KIAA1958: variants seen among roughly 807,000 people sequenced by gnomAD.
KIAA1958 encodes the protein uncharacterized protein KIAA1958.
In KIAA1958, 14 loss-of-function variants were observed where a neutral mutation model predicts 47.2. That is an observed-to-expected ratio of 0.30 (90% CI 0.20 to 0.46). The LOEUF is 0.46. KIAA1958 is among the 20% of genes least tolerant of loss of function. The pLI is 1.00. For missense variants in KIAA1958, 803 were observed against 909.2 expected (o/e 0.88, Z 1.50); for synonymous variants, 354 against 353.3 (o/e 1.00, Z -0.02).
intron 1 of KIAA1958, among the ~76,000 whole-genome samples, chr9:112,553,125 T>TCCTCC (rs1237083381): frequency 1.5e-5 from 2 of 137,030 alleles, no homozygotes; most frequent in Non-Finnish European, 1.6e-5. Context: ...TCCTCTCCTC[T>TCCTCC]CCTCCCCTCC....
chr9:112,644,039 G>T (rs867350240), intron 2 of KIAA1958, among the ~76,000 whole-genome samples: 1 of 151,922 alleles, frequency 6.6e-6, no homozygotes, highest in East Asian at 1.9e-4. Context: ...TTAGCCGGGC[G>T]TAGTGGTGGT....
At chr9:112,530,963 A>T (rs1370189082) in intron 1 of KIAA1958, among the ~76,000 whole-genome samples, 1 of 152,222 alleles carries the variant, frequency 6.6e-6, no homozygotes, top group Non-Finnish European at 1.5e-5. Context: ...TAATTCCATT[A>T]TATATTTTAT....
chr9:112,607,188 C>G (rs1397668072), intron 2 of KIAA1958, among the ~76,000 whole-genome samples: 1 of 152,018 alleles, frequency 6.6e-6, no homozygotes, highest in East Asian at 1.9e-4. Context: ...GAAACCCCAT[C>G]TCTACTAAAA....
Position 112,555,638 on chromosome 9 carries a change from C to T in KIAA1958, c.-24-18419C>T, listed in dbSNP as rs1057353986. Among the ~76,000 whole-genome samples the T allele has an allele frequency of 2.6e-5, 4 of 152,284 alleles. No individual in the cohort carries two copies. The East Asian group carries it at 7.7e-4, about 29-fold the overall frequency. On this transcript the variant is annotated intron_variant, in intron 1 of 3. Coordinates refer to ENST00000337530, the MANE Select transcript of KIAA1958 (RefSeq NM_133465.4). ...TCTCACAGTATGCTCACAGTATGCT[C>T]GCATGGCAGAAGGGGCAGAAAAGGG...
chr9:112,622,478 T>A lies in KIAA1958; in HGVS notation c.1172-23172T>A, dbSNP rs144551707. 1.2e-3 allele frequency among the ~76,000 whole-genome samples: 181 copies of A among 152,328 alleles called. 3 individuals are homozygous for A. The highest frequency in any genetic ancestry group is 4.1e-3 in the African/African-American group (170 of 41,570). The stretch of plus-strand genomic sequence containing the variant: ...TCTTGAAAACCATAGATGCTAGCTA[T>A]TTTTAAAAAAACTATAATGTTTGAA... On this transcript the variant is annotated intron_variant, in intron 2 of 3. Coordinates refer to ENST00000337530, the MANE Select transcript of KIAA1958 (RefSeq NM_133465.4).
chr9:112,653,642 T>C (rs182981862), intron 3 of KIAA1958, among the ~76,000 whole-genome samples: 16 of 152,302 alleles, frequency 1.1e-4, no homozygotes, highest in Non-Finnish European at 5.9e-5. Context: ...CGGTCACACC[T>C]GTAATTCCAA....
intron 1 of KIAA1958, among the ~76,000 whole-genome samples, chr9:112,554,669 A>G (rs1022289161): frequency 5.3e-5 from 8 of 151,976 alleles, no homozygotes; most frequent in East Asian, 1.9e-4. Flanking sequence ...CCCAAACCCA[A>G]CCTCTTGGTC....
At position 112,526,250 on chromosome 9, in the gene KIAA1958, C is replaced by T. The variant is rs530556172; in HGVS notation, c.-25+39132C>T. On this transcript the variant is annotated intron_variant, in intron 1 of 3. Transcript: ENST00000337530. Reference sequence around the variant, plus strand: ...GCTGCTATAACAGAATACCTTGAAACTGGGTAATTTTTTTTTTTCTTGAGA... The same window carrying T: ...GCTGCTATAACAGAATACCTTGAAATTGGGTAATTTTTTTTTTTCTTGAGA... Among the ~76,000 whole-genome samples, 6 of 33,280 alleles carry T rather than the reference C, an allele frequency of 1.8e-4. No homozygotes were observed. The South Asian group carries it at 0.011, about 63-fold the overall frequency. 21.8% of individuals were successfully genotyped at this position (33,280 alleles called of 152,430 possible). A position where few individuals can be genotyped will look rare whatever the true frequency, so the allele number is the denominator to read the frequency against.
intron 1 of KIAA1958, among the ~76,000 whole-genome samples, chr9:112,567,946 C>A (rs1026264760): frequency 1.9e-5 from 2 of 104,982 alleles, no homozygotes; most frequent in Non-Finnish European, 3.4e-5. Flanking sequence ...GGCGACAGAG[C>A]GAGAATCCAT....
chr9:112,659,213 C>A (rs1837213996), intron 3 of KIAA1958, 50 bp from the exon 4 acceptor site: 1 of 1,487,062 alleles, frequency 6.7e-7, no homozygotes, highest in Non-Finnish European at 9.2e-7. Context: ...AAGGAGGGGT[C>A]TGGCTGTGTG....
At chr9:112,534,647 G>T (rs951457028) in intron 1 of KIAA1958, among the ~76,000 whole-genome samples, 1 of 151,688 alleles carries the variant, frequency 6.6e-6, no homozygotes, top group Non-Finnish European at 1.5e-5. Flanking sequence ...GGGTTCAAGC[G>T]ATTCTCCTGC....
chr9:112,601,427 C>T (rs533645572), intron 2 of KIAA1958, among the ~76,000 whole-genome samples: 8 of 152,192 alleles, frequency 5.3e-5, no homozygotes, highest in East Asian at 3.9e-4. Context: ...AAGGAGGAGT[C>T]GTTTTCTAGG....
chr9:112,515,319 G>A, intron 1 of KIAA1958, among the ~76,000 whole-genome samples: 1 of 139,890 alleles, frequency 7.1e-6, no homozygotes. Context: ...GGGCGCCTCT[G>A]CCCGGCCGCC....
At chr9:112,541,255 T>C (rs1834937051) in intron 1 of KIAA1958, among the ~76,000 whole-genome samples, 1 of 152,198 alleles carries the variant, frequency 6.6e-6, no homozygotes, top group Non-Finnish European at 1.5e-5. Flanking sequence ...CAAAGTTTTA[T>C]GTTTTTTGAT....
intron 2 of KIAA1958, among the ~76,000 whole-genome samples, chr9:112,624,330 T>C (rs1836566021): frequency 6.6e-6 from 1 of 152,224 alleles, no homozygotes; most frequent in African/African-American, 2.4e-5. Flanking sequence ...CCTCAATCGT[T>C]GTTTAGTGCA....
chr9:112,573,770 T>A (rs781680021), intron 1 of KIAA1958, among the ~76,000 whole-genome samples: 1 of 152,182 alleles, frequency 6.6e-6, no homozygotes, highest in Non-Finnish European at 1.5e-5. Context: ...TTGTTTCTCT[T>A]TTTCTTTCTC....
intron 2 of KIAA1958, among the ~76,000 whole-genome samples, chr9:112,601,077 A>G (rs1211579301): frequency 6.6e-6 from 1 of 152,224 alleles, no homozygotes; most frequent in Non-Finnish European, 1.5e-5. Context: ...TGGCTATGCT[A>G]CCTGTGTCAG....
chr9:112,587,692 CT>C lies in KIAA1958; in HGVS notation c.1171+12446del, dbSNP rs151247080. 4.8e-3 allele frequency among the ~76,000 whole-genome samples: 725 copies of C among 152,130 alleles called. 7 individuals carry two copies. The highest frequency in any genetic ancestry group is 0.017 in the African/African-American group (700 of 41,492). ...GACCCAAAGAAAGCATTTTTATTGC[CT>C]TTTTCAATTTTCTTTATTTTTGTCA... On this transcript the variant is annotated intron_variant, in intron 2 of 3. Transcript: ENST00000337530.
intron 1 of KIAA1958, among the ~76,000 whole-genome samples, chr9:112,493,573 G>A (rs1028094126): frequency 2.0e-5 from 3 of 152,156 alleles, no homozygotes; most frequent in Admixed American, 6.5e-5. Context: ...TTTGCCATAT[G>A]TGAATCATAT....
Sources: allele counts gnomAD v4.1 joint callset (sites outside exome capture counted in the v4.1 genomes callset), GRCh38; gene constraint gnomAD v4.1.1; transcripts MANE v1.5; gene names NCBI Gene and HGNC (gene_info 2026-07-23, HGNC 2026-07-21).